The following RB1 variants were observed in gnomAD, a reference collection of about 807,000 sequenced individuals.
RB1 encodes RB transcriptional corepressor 1, also known as retinoblastoma-associated protein.
In RB1, 18 loss-of-function variants were observed where a neutral mutation model predicts 135.4. The ratio of observed to expected loss-of-function variants is 0.13; its 90% CI spans 0.09 to 0.20. The LOEUF is 0.20. Ranked by LOEUF, RB1 falls within the 10% of genes least tolerant of loss-of-function variation. RB1 has a pLI of 1.00. For missense variants in RB1, 868 were observed against 1,110.0 expected, an observed-to-expected ratio of 0.78 and a Z score of 3.10; for synonymous variants, 365 against 373.2, an observed-to-expected ratio of 0.98 and a Z score of 0.25.
chr13:48,410,062 A>C (rs1024485787), intron 17 of RB1, among the ~76,000 whole-genome samples: 1 of 152,142 alleles, frequency 6.6e-6, no homozygotes, highest in African/African-American at 2.4e-5. Context: ...TGTGTCCTTA[A>C]TTAATCATTT....
intron 2 of RB1, among the ~76,000 whole-genome samples, chr13:48,336,128 A>T (rs1463123821): frequency 6.6e-6 from 1 of 152,044 alleles, no homozygotes; most frequent in Non-Finnish European, 1.5e-5. Flanking sequence ...TTCATCAGGG[A>T]CATCAGTCTA....
At chr13:48,441,890 CTATT>C (rs1258909514) in intron 17 of RB1, among the ~76,000 whole-genome samples, 3 of 152,100 alleles carry the variant, frequency 2.0e-5, no homozygotes, top group Admixed American at 6.6e-5. Context: ...ATTATAGGAC[CTATT>C]TATTCACTTG....
At chr13:48,431,449 A>T (rs1422508162) in intron 17 of RB1, among the ~76,000 whole-genome samples, 1 of 152,202 alleles carries the variant, frequency 6.6e-6, no homozygotes, top group Non-Finnish European at 1.5e-5. Flanking sequence ...ACCCACTTGG[A>T]ATTCAAAGAG....
chr13:48,368,181 A>G (rs1318857332), intron 10 of RB1, among the ~76,000 whole-genome samples: 1 of 152,312 alleles, frequency 6.6e-6, no homozygotes, highest in East Asian at 1.9e-4. Context: ...TTTAGAAGGA[A>G]TAATGCATTG....
At position 48,364,931 on chromosome 13, in the gene RB1, T is replaced by C. The variant is rs2138116475; in HGVS notation, c.899T>C (p.Met300Thr). 6.4e-7 allele frequency: 1 copy of C among 1,569,436 alleles called. No homozygotes were observed. The highest frequency in any genetic ancestry group is 1.2e-5 in the South Asian group (1 of 86,344). Residue 300 changes from methionine to threonine, a missense_variant, in exon 9 of 27, where the codon ATG becomes ACG. By Grantham distance (81) the Met-to-Thr change is moderately conservative. This residue lies in a region of RB1 where 641 missense variants were observed against 791.3 expected (regional missense o/e 0.81). Coordinates refer to ENST00000267163, the MANE Select transcript of RB1 (RefSeq NM_000321.3). ...NVYFKNFIPF[M>T]NSLGLVTSNG... is the part of the protein sequence containing the mutation. ...TATTTCAAAAATTTTATACCTTTTATGAATTCTCTTGGACTTGTAACATCT... is the reference window on the plus strand; with the variant it reads ...TATTTCAAAAATTTTATACCTTTTACGAATTCTCTTGGACTTGTAACATCT...
intron 20 of RB1, among the ~76,000 whole-genome samples, chr13:48,461,973 C>T (rs1183437121): frequency 6.6e-6 from 1 of 151,718 alleles, no homozygotes; most frequent in Non-Finnish European, 1.5e-5. Context: ...GCTGGGATTA[C>T]AGGTGTGTGC....
rs1037713782 is a variant in RB1, at chr13:48,317,086, C to T, written c.264+9680C>T. Reference sequence around the variant, plus strand: ...GCCTTGCTGCTTGGCCAGGGCCCGCCGTCCTTCTTCGCCAGCAAGTGTGGG... The same window carrying T: ...GCCTTGCTGCTTGGCCAGGGCCCGCTGTCCTTCTTCGCCAGCAAGTGTGGG... On this transcript the variant is annotated intron_variant, in intron 2 of 26. Transcript: ENST00000267163. The T allele has an allele frequency of 6.8e-6, 6 of 878,964 alleles. No individual in the cohort carries two copies. In the African/African-American group the frequency reaches 8.6e-5, roughly 13 times the overall value. The allele number at this position is 878,964 out of a possible 1,614,324, so 54.4% of individuals were successfully genotyped here. A position where few individuals can be genotyped will look rare whatever the true frequency, so the allele number is the denominator to read the frequency against.
At chr13:48,476,404 T>A (rs1949504193) in intron 24 of RB1, 1 of 369,588 alleles carries the variant, frequency 2.7e-6, no homozygotes, top group Non-Finnish European at 5.1e-6. Flanking sequence ...TATGGTGGGT[T>A]CTGAAAATGA....
chr13:48,449,660 G>T (rs752556030), intron 17 of RB1, among the ~76,000 whole-genome samples: 22 of 152,068 alleles, frequency 1.4e-4, no homozygotes, highest in Non-Finnish European at 2.4e-4. Context: ...TACTCAGGAG[G>T]CTGCAGTGAG....
intron 17 of RB1, chr13:48,445,113 G>C (rs541385797): frequency 2.0e-5 from 3 of 152,234 alleles, no homozygotes; most frequent in Admixed American, 2.0e-4. Flanking sequence ...AGACATTGGA[G>C]CTAGGAAGTT....
At chr13:48,316,430 CA>C (rs1952183408) in intron 2 of RB1, among the ~76,000 whole-genome samples, 2 of 152,074 alleles carry the variant, frequency 1.3e-5, no homozygotes, top group Non-Finnish European at 2.9e-5. Context: ...AACCAAAAAA[CA>C]TCAGAGTCTC....
In RB1 at chr13:48,303,871, C is replaced by G; in HGVS notation, c.-42C>G. On this transcript the variant is annotated 5_prime_UTR_variant, in exon 1 of 27. Transcript: ENST00000267163. ...CGTGCGCGCGCGTCGTCCTCCCCGG[C>G]GCTCCTCCACAGCTCGCTGGCTCCC... 3 of 1,508,232 alleles carry G rather than the reference C, an allele frequency of 2.0e-6. No homozygotes were observed. The highest frequency in any genetic ancestry group is 2.5e-5 in the South Asian group (2 of 81,486). The allele number at this position is 1,508,232 out of a possible 1,614,324, so 93.4% of individuals were successfully genotyped here.
intron 2 of RB1, among the ~76,000 whole-genome samples, chr13:48,308,281 T>G (rs1467881484): frequency 6.7e-6 from 1 of 149,612 alleles, no homozygotes. Flanking sequence ...ACCTGGGAGG[T>G]GGAGGTTACA....
chr13:48,464,227 T>C (rs1208694755), intron 21 of RB1, among the ~76,000 whole-genome samples: 1 of 152,180 alleles, frequency 6.6e-6, no homozygotes, highest in Non-Finnish European at 1.5e-5. Flanking sequence ...TATAAACACA[T>C]TTTGTGTTTC....
intron 17 of RB1, among the ~76,000 whole-genome samples, chr13:48,450,667 A>G (rs1199394617): frequency 6.6e-6 from 1 of 152,024 alleles, no homozygotes; most frequent in Non-Finnish European, 1.5e-5. Context: ...TTCCATATGA[A>G]TTTTATGAAT....
intron 2 of RB1, chr13:48,316,799 A>AT (rs1165995371): frequency 2.5e-5 from 6 of 236,850 alleles, no homozygotes; most frequent in Non-Finnish European, 5.1e-5. Context: ...ACACGCACAG[A>AT]TACGCTCCTT....
At chr13:48,452,931 G>T in intron 17 of RB1, 62 bp from the exon 18 acceptor site, 2 of 1,601,312 alleles carry the variant, frequency 1.2e-6, no homozygotes, top group South Asian at 1.1e-5. Flanking sequence ...ATATGATTTT[G>T]ATATGTACCT....
intron 9 of RB1, among the ~76,000 whole-genome samples, chr13:48,367,167 T>C (rs541551953): frequency 5.9e-5 from 9 of 151,988 alleles, no homozygotes; most frequent in Non-Finnish European, 1.2e-4. Flanking sequence ...TATGGGATGT[T>C]TGGAAAATCT....
intron 4 of RB1, among the ~76,000 whole-genome samples, chr13:48,347,317 A>G (rs1013160308): frequency 2.0e-5 from 3 of 152,130 alleles, no homozygotes; most frequent in Non-Finnish European, 4.4e-5. Context: ...GCATGTGTAC[A>G]AAGCCAAAGC....
Sources: allele counts gnomAD v4.1 joint callset (sites outside exome capture counted in the v4.1 genomes callset), GRCh38; gene constraint gnomAD v4.1.1; regional missense constraint gnomAD v4.1.1; transcripts MANE v1.5; gene names NCBI Gene and HGNC (gene_info 2026-07-23, HGNC 2026-07-21).